The following DNAJC13 variants were observed in gnomAD, a reference collection of about 807,000 sequenced individuals.
DNAJC13 encodes DnaJ heat shock protein family (Hsp40) member C13.
In DNAJC13, 75 loss-of-function variants were observed where a neutral mutation model predicts 290.5. The observed-to-expected ratio is 0.26, with a 90% CI of 0.21 to 0.31. The LOEUF (loss-of-function observed/expected upper bound fraction) is 0.31, where lower values mean the gene tolerates loss of function less well. Ranked by LOEUF, DNAJC13 falls within the 10% of genes least tolerant of loss-of-function variation. The probability of loss-of-function intolerance (pLI) is 1.00; values close to 1 mark genes in which losing one functional copy is unlikely to be tolerated. For synonymous variants in DNAJC13, 862 were observed against 892.0 expected, an observed-to-expected ratio of 0.97 and a Z score of 0.60; for missense variants, 2,260 against 2,674.5, an observed-to-expected ratio of 0.85 and a Z score of 3.42.
intron 41 of DNAJC13, 41 bp downstream of exon 41, chr3:132,503,422 CA>C: frequency 6.2e-7 from 1 of 1,608,260 alleles, no homozygotes; most frequent in South Asian, 1.1e-5. Context: ...ATCAATAGTG[CA>C]AGATCCTTTA....
At chr3:132,494,359 C>G (rs1172977976) in intron 34 of DNAJC13, 100 bp downstream of exon 34, 2 of 958,526 alleles carry the variant, frequency 2.1e-6, no homozygotes, top group Non-Finnish European at 3.3e-6. Flanking sequence ...AAATCTTTTG[C>G]CTATACTTTG....
At chr3:132,447,550 T>C in intron 4 of DNAJC13, 80 bp downstream of exon 4, 1 of 1,312,998 alleles carries the variant, frequency 7.6e-7, no homozygotes, top group Non-Finnish European at 1.0e-6. Flanking sequence ...GTAGAGAAAT[T>C]AATGTTCTCT....
intron 13 of DNAJC13, chr3:132,458,021 A>C (rs1933672816): frequency 6.6e-6 from 1 of 152,178 alleles, no homozygotes. Flanking sequence ...ATCAGGTTTG[A>C]GTTTTTAAAA....
chr3:132,514,815 A>C, intron 46 of DNAJC13, 145 bp downstream of exon 46: 1 of 637,152 alleles, frequency 1.6e-6, no homozygotes, highest in Non-Finnish European at 2.7e-6. Context: ...CTTCCTAATA[A>C]TGTTTTACAT....
rs1933093006 is a variant in DNAJC13, at chr3:132,442,151, T to TA, written c.69-4318dup. ...TGTTAAAAAAAAAAAAAACATGTTT[T>TA]AAAAAATTGTTGGTTTTTTTGTGTG... On this transcript the variant is annotated intron_variant, in intron 2 of 55. Coordinates refer to ENST00000260818, the MANE Select transcript of DNAJC13 (RefSeq NM_015268.4). Among the ~76,000 whole-genome samples, 5 of 152,096 alleles carry TA rather than the reference T, an allele frequency of 3.3e-5. No individual in the cohort carries two copies. In the South Asian group the frequency reaches 1.0e-3, roughly 32 times the overall value.
In DNAJC13 at chr3:132,479,314, T is replaced by C. The variant is rs567065556; in HGVS notation, c.2772+25T>C. 4.8e-6 allele frequency: 7 copies of C among 1,462,856 alleles called. No homozygotes were observed. The East Asian group carries it at 1.1e-4, about 24-fold the overall frequency. The allele number at this position is 1,462,856 out of a possible 1,614,324, so 90.6% of individuals were successfully genotyped here. ...GGTACAGTAGTTTCGCATACATACATTGTTATTTCCAAGTCATATAAGTAT... is the reference window on the plus strand; with the variant it reads ...GGTACAGTAGTTTCGCATACATACACTGTTATTTCCAAGTCATATAAGTAT... On this transcript the variant is annotated intron_variant, in intron 25 of 55. Coordinates refer to ENST00000260818, the MANE Select transcript of DNAJC13 (RefSeq NM_015268.4).
intron 48 of DNAJC13, among the ~76,000 whole-genome samples, chr3:132,517,684 A>AG (rs1447363517): frequency 9.2e-5 from 14 of 152,132 alleles, no homozygotes; most frequent in African/African-American, 3.4e-4. Context: ...GGTAAGGAGG[A>AG]GGCTAAGATC....
intron 48 of DNAJC13, among the ~76,000 whole-genome samples, chr3:132,518,013 C>T (rs904349791): frequency 6.6e-6 from 1 of 152,134 alleles, no homozygotes; most frequent in East Asian, 1.9e-4. Flanking sequence ...AGCTAGGTAG[C>T]ACATAACTGT....
At chr3:132,470,642 C>G (rs1330998063) in intron 20 of DNAJC13, among the ~76,000 whole-genome samples, 2 of 126,926 alleles carry the variant, frequency 1.6e-5, no homozygotes, top group African/African-American at 3.1e-5. Context: ...CCCTCCCGGA[C>G]GGGGCGGCTG....
At chr3:132,471,232 C>A (rs1306556470) in intron 20 of DNAJC13, among the ~76,000 whole-genome samples, 1 of 136,776 alleles carries the variant, frequency 7.3e-6, no homozygotes, top group Non-Finnish European at 1.6e-5. Flanking sequence ...GGGCGGCTGG[C>A]CGGGCGGGGG....
At chr3:132,484,501 G>T in intron 28 of DNAJC13, 87 bp from the exon 29 acceptor site, 1 of 1,222,874 alleles carries the variant, frequency 8.2e-7, no homozygotes, top group Non-Finnish European at 1.2e-6. Context: ...AAGGTAACCT[G>T]CTTCATGCCT....
chr3:132,507,470 CTGCT>C, intron 43 of DNAJC13, 117 bp downstream of exon 43: 2 of 667,874 alleles, frequency 3.0e-6, no homozygotes, highest in Admixed American at 2.7e-5. Context: ...CTTTACTGTG[CTGCT>C]TTTTTTTTTT....
intron 25 of DNAJC13, among the ~76,000 whole-genome samples, chr3:132,479,889 A>G (rs1172954669): frequency 2.6e-5 from 4 of 152,156 alleles, no homozygotes; most frequent in Admixed American, 2.6e-4. Context: ...AAGTAATGCA[A>G]ATGTTTTAAA....
intron 22 of DNAJC13, among the ~76,000 whole-genome samples, chr3:132,475,753 C>T (rs897542805): frequency 1.9e-4 from 29 of 152,004 alleles, no homozygotes; most frequent in African/African-American, 5.8e-4. Flanking sequence ...CCGTATTCTG[C>T]TAGATTTTCT....
chr3:132,501,377 G>A (rs1241036669), intron 39 of DNAJC13, among the ~76,000 whole-genome samples: 1 of 152,122 alleles, frequency 6.6e-6, no homozygotes, highest in African/African-American at 2.4e-5. Context: ...GCATGCGCCT[G>A]TAATCCTAGG....
intron 40 of DNAJC13, 138 bp from the exon 41 acceptor site, chr3:132,503,076 G>T: frequency 2.5e-6 from 2 of 807,054 alleles, no homozygotes; most frequent in Admixed American, 5.9e-5. Context: ...TACCTCAGTG[G>T]TAGGTACTCT....
intron 27 of DNAJC13, among the ~76,000 whole-genome samples, chr3:132,482,551 G>A (rs1006448160): frequency 2.0e-5 from 3 of 152,148 alleles, no homozygotes; most frequent in African/African-American, 7.2e-5. Flanking sequence ...TATGGAGATA[G>A]CACTCAGGTT....
chr3:132,428,502 G>T (rs1939162633), intron 1 of DNAJC13, among the ~76,000 whole-genome samples: 1 of 152,058 alleles, frequency 6.6e-6, no homozygotes, highest in Non-Finnish European at 1.5e-5. Flanking sequence ...AGAGATGGGG[G>T]TCTTGCCATG....
intron 36 of DNAJC13, among the ~76,000 whole-genome samples, chr3:132,498,672 G>GTTATT (rs1281363365): frequency 4.6e-5 from 7 of 151,856 alleles, no homozygotes; most frequent in African/African-American, 1.7e-4. Flanking sequence ...CATTTAAGAT[G>GTTATT]TTAAGATAAA....
Sources: gnomAD v4.1 joint callset for allele counts (sites outside exome capture counted in the v4.1 genomes callset) on GRCh38, gnomAD v4.1.1 for gene constraint, MANE v1.5 for transcripts, NCBI Gene and HGNC (gene_info 2026-07-23, HGNC 2026-07-21) for gene names.